PRUNE2: variants seen among roughly 807,000 people sequenced by gnomAD.
The protein encoded by PRUNE2 is protein prune homolog 2.
Under a neutral mutation model 252.0 loss-of-function variants are expected in PRUNE2, and 164 were observed. The ratio of observed to expected loss-of-function variants is 0.65; its 90% CI spans 0.57 to 0.74. The LOEUF (loss-of-function observed/expected upper bound fraction) is 0.74, where lower values mean the gene tolerates loss of function less well. Among genes scored for constraint, PRUNE2 ranks in the 30% least tolerant of loss-of-function variants. The probability of loss-of-function intolerance (pLI) is 0.00; values close to 1 mark genes in which losing one functional copy is unlikely to be tolerated. For missense variants in PRUNE2, 3,495 were observed against 3,711.0 expected (o/e 0.94, Z 1.51); for synonymous variants, 1,292 against 1,350.2 (o/e 0.96, Z 0.94).
intron 9 of PRUNE2, among the ~76,000 whole-genome samples, chr9:76,665,912 A>G (rs1183451139): frequency 6.6e-6 from 1 of 152,156 alleles, no homozygotes; most frequent in Non-Finnish European, 1.5e-5. Flanking sequence ...TAAAATATAT[A>G]AAACAACAAG....
intron 17 of PRUNE2, among the ~76,000 whole-genome samples, chr9:76,619,767 C>A (rs538469039): frequency 1.3e-5 from 2 of 152,320 alleles, no homozygotes; most frequent in African/African-American, 4.8e-5. Context: ...TTTATTCACC[C>A]ATGAACACAG....
In PRUNE2 at chr9:76,764,229, C is replaced by CAAAT. The variant is rs1259971309; in HGVS notation, c.757-50509_757-50508insATTT. Among the ~76,000 whole-genome samples, 4 of 102,518 alleles carry CAAAT rather than the reference C, an allele frequency of 3.9e-5. No individual in the cohort carries two copies. In the East Asian group the frequency reaches 2.1e-3, roughly 54 times the overall value. The allele number at this position is 102,518 out of a possible 152,430, so 67.3% of individuals were successfully genotyped here. A position where few individuals can be genotyped will look rare whatever the true frequency, so the allele number is the denominator to read the frequency against. On this transcript the variant is annotated intron_variant, in intron 6 of 18. Coordinates refer to ENST00000376718, the MANE Select transcript of PRUNE2 (RefSeq NM_015225.3). ...CATTTCAGTGCATGGAGGCAGAAAACAAACAAACAAATAAATAAATAAATA... is the reference window on the plus strand; with the variant it reads ...CATTTCAGTGCATGGAGGCAGAAAACAAATAAACAAACAAATAAATAAATAAATA...
intron 9 of PRUNE2, among the ~76,000 whole-genome samples, chr9:76,677,968 T>C (rs2042900152): frequency 2.6e-5 from 4 of 152,190 alleles, no homozygotes; most frequent in African/African-American, 7.2e-5. Context: ...CAACTGGTCA[T>C]ATCTTTATGC....
chr9:76,706,929 A>C lies in PRUNE2; in HGVS notation c.5345T>G (p.Val1782Gly). Residue 1782 changes from valine (V) to glycine (G), a missense_variant, in exon 8 of 19, where the codon GTG becomes GGG. Transcript: ENST00000376718. Reference protein sequence around the residue: ...LTETEMQITAVEKEKRSSPET... With the variant: ...LTETEMQITAGEKEKRSSPET... ...TGGAGAAGATCTCTTCTCCTTCTCC[A>C]CTGCTGTAATCTGCATTTCAGTCTC... The C allele has an allele frequency of 6.2e-7, 1 of 1,609,076 alleles. No homozygotes were observed. Among genetic ancestry groups the C allele is most frequent in the Non-Finnish European group, 8.5e-7 (1 of 1,177,424 alleles).
At chr9:76,730,901 C>CA (rs1346327691) in intron 6 of PRUNE2, among the ~76,000 whole-genome samples, 2 of 151,934 alleles carry the variant, frequency 1.3e-5, no homozygotes, top group African/African-American at 2.4e-5. Context: ...GACTCCGTCT[C>CA]AAAAAAATAA....
intron 9 of PRUNE2, among the ~76,000 whole-genome samples, chr9:76,687,931 G>A (rs2044273310): frequency 6.6e-6 from 1 of 152,170 alleles, no homozygotes; most frequent in African/African-American, 2.4e-5. Flanking sequence ...ATAAAAGGTG[G>A]TATCTGGCCC....
intron 1 of PRUNE2, among the ~76,000 whole-genome samples, chr9:76,874,863 G>A (rs10122200): frequency 0.048 from 7,354 of 152,246 alleles, 524 homozygotes; most frequent in African/African-American, 0.16. Context: ...AGGTAGTGCT[G>A]TAGTGCAGGG....
In PRUNE2 at chr9:76,642,707, GT is replaced by G. The variant is rs1452499170; in HGVS notation, c.8728+2031del. Among the ~76,000 whole-genome samples the G allele has an allele frequency of 8.5e-5, 13 of 152,338 alleles. No individual in the cohort carries two copies. The East Asian group carries it at 2.5e-3, about 29-fold the overall frequency. ...AGTAAGGAGATTTTTCATCATTATG[GT>G]CTAAGAGAGTGCTGTAAACTCCTAA... On this transcript the variant is annotated intron_variant, in intron 12 of 18. Coordinates refer to ENST00000376718, the MANE Select transcript of PRUNE2 (RefSeq NM_015225.3).
intron 6 of PRUNE2, among the ~76,000 whole-genome samples, chr9:76,725,029 T>G (rs994907578): frequency 3.3e-5 from 5 of 152,174 alleles, no homozygotes; most frequent in African/African-American, 1.2e-4. Context: ...TCTATAATTA[T>G]GTATAGATTA....
intron 6 of PRUNE2, among the ~76,000 whole-genome samples, chr9:76,769,198 T>G (rs1303442518): frequency 6.6e-6 from 1 of 152,266 alleles, no homozygotes; most frequent in Non-Finnish European, 1.5e-5. Flanking sequence ...TCTCTTCAGA[T>G]CGTATAAATC....
At chr9:76,813,654 A>G (rs546708781) in intron 6 of PRUNE2, among the ~76,000 whole-genome samples, 30 of 152,314 alleles carry the variant, frequency 2.0e-4, no homozygotes, top group African/African-American at 7.0e-4. Context: ...CATCAACTAC[A>G]TTTTTGTTGC....
intron 6 of PRUNE2, among the ~76,000 whole-genome samples, chr9:76,767,009 G>A (rs1008578096): frequency 3.3e-5 from 5 of 152,132 alleles, no homozygotes; most frequent in African/African-American, 7.2e-5. Flanking sequence ...GGTAGGCTTC[G>A]TGAAATCTTA....
At chr9:76,845,343 T>G (rs2132439978) in intron 4 of PRUNE2, among the ~76,000 whole-genome samples, 1 of 152,318 alleles carries the variant, frequency 6.6e-6, no homozygotes, top group Non-Finnish European at 1.5e-5. Context: ...AACAAAATAT[T>G]CTCTAGTGCT....
At chr9:76,623,611 T>C (rs916461402) in intron 17 of PRUNE2, among the ~76,000 whole-genome samples, 15 of 152,272 alleles carry the variant, frequency 9.9e-5, no homozygotes, top group African/African-American at 3.4e-4. Flanking sequence ...TACAGCTCAA[T>C]AGGGGCAGAG....
At chr9:76,875,940 G>C (rs776293810) in intron 1 of PRUNE2, among the ~76,000 whole-genome samples, 1 of 152,214 alleles carries the variant, frequency 6.6e-6, no homozygotes, top group Non-Finnish European at 1.5e-5. Flanking sequence ...GTCCCATTCT[G>C]CTATGTTCTT....
rs748114957 is a variant in PRUNE2, at chr9:76,708,556, T to A, written c.3718A>T (p.Ile1240Phe). 6.2e-7 allele frequency: 1 copy of A among 1,613,984 alleles called. No individual in the cohort carries two copies. The highest frequency in any genetic ancestry group is 1.1e-5 in the South Asian group (1 of 91,080). Residue 1240 changes from isoleucine (I) to phenylalanine (F), a missense_variant, in exon 8 of 19, where the codon ATC becomes TTC. Physicochemically the swap from Ile to Phe is conservative, Grantham distance 21. Coordinates refer to ENST00000376718, the MANE Select transcript of PRUNE2 (RefSeq NM_015225.3). ...AATTCCCTTTGCTCTGAATCTGTGA[T>A]ATGTGAGGAGCCTGGTAACATGAAT... is the stretch of plus-strand genomic sequence containing the variant. ...SSFMLPGSSH[I>F]TDSEQRELPP...
Position 76,709,779 on chromosome 9 carries a change from T to C in PRUNE2, c.2495A>G (p.Asn832Ser). 2 of 1,613,980 alleles carry C rather than the reference T, an allele frequency of 1.2e-6. No homozygotes were observed. The highest frequency in any genetic ancestry group is 1.7e-6 in the Non-Finnish European group (2 of 1,179,874). Residue 832 changes from asparagine to serine, a missense_variant, in exon 8 of 19, where the codon AAT becomes AGT. Asn to Ser is a conservative substitution (Grantham distance 46). Coordinates refer to ENST00000376718, the MANE Select transcript of PRUNE2 (RefSeq NM_015225.3). ...SSKTPSVRDPNEWAMAKSGFA... is the reference protein window; with the variant it reads ...SSKTPSVRDPSEWAMAKSGFA... The stretch of plus-strand genomic sequence containing the variant: ...CCCACTTTTTGCCATGGCCCACTCA[T>C]TCGGGTCCCTAACAGAAGGTGTCTT...
intron 6 of PRUNE2, among the ~76,000 whole-genome samples, chr9:76,814,275 T>C (rs1213637423): frequency 6.6e-6 from 1 of 152,200 alleles, no homozygotes; most frequent in Non-Finnish European, 1.5e-5. Flanking sequence ...GGTAGTGATA[T>C]TCTGAGACAC....
chr9:76,710,892 G>T lies in PRUNE2; in HGVS notation c.1382C>A (p.Thr461Asn), dbSNP rs746413619. The change falls in exon 8 of 19, where the codon ACC becomes AAC. Residue 461 changes from threonine to asparagine, a missense_variant. Thr to Asn is a moderately conservative substitution (Grantham distance 65). Coordinates refer to ENST00000376718, the MANE Select transcript of PRUNE2 (RefSeq NM_015225.3). ...PVGEGAGPHHTLLPGLDSYSP... is the reference protein window; with the variant it reads ...PVGEGAGPHHNLLPGLDSYSP... Reference sequence around the variant, plus strand: ...GTAGGAGTCAAGCCCTGGGAGAAGGGTGTGGTGAGGCCCAGCACCTTCTCC... The same window carrying T: ...GTAGGAGTCAAGCCCTGGGAGAAGGTTGTGGTGAGGCCCAGCACCTTCTCC... The T allele has an allele frequency of 7.8e-6, 12 of 1,547,084 alleles. No homozygotes were observed. Among genetic ancestry groups the T allele is most frequent in the Non-Finnish European group, 1.0e-5 (12 of 1,148,246 alleles).
Sources: allele counts gnomAD v4.1 joint callset (sites outside exome capture counted in the v4.1 genomes callset), GRCh38; gene constraint gnomAD v4.1.1; transcripts MANE v1.5; gene names NCBI Gene and HGNC (gene_info 2026-07-23, HGNC 2026-07-21).